SMC2: variants seen among roughly 807,000 people sequenced by gnomAD.
SMC2 encodes the protein structural maintenance of chromosomes 2, also known as structural maintenance of chromosomes protein 2.
A neutral mutation model predicts 142.6 loss-of-function variants in SMC2; 41 were observed. The ratio of observed to expected loss-of-function variants is 0.29; its 90% CI spans 0.22 to 0.37. The LOEUF (loss-of-function observed/expected upper bound fraction) is 0.37. Ranked by LOEUF, SMC2 falls within the 10% of genes least tolerant of loss-of-function variation. SMC2 has a pLI of 1.00. For synonymous variants in SMC2, 463 were observed against 457.5 expected (o/e 1.01, Z -0.15); for missense variants, 1,265 against 1,373.7 (o/e 0.92, Z 1.25).
At chr9:104,119,890 G>A (rs1199446961) in intron 15 of SMC2, 137 bp from the exon 16 acceptor site, 13 of 823,742 alleles carry the variant, frequency 1.6e-5, no homozygotes, top group Non-Finnish European at 2.4e-5. Context: ...GTGATGGAAT[G>A]AATTCCATGG....
intron 24 of SMC2, 46 bp from the exon 25 acceptor site, chr9:104,139,093 G>C (rs1039523788): frequency 1.9e-5 from 26 of 1,342,576 alleles, no homozygotes; most frequent in Non-Finnish European, 2.6e-5. Flanking sequence ...TAAACTTCAA[G>C]TATATCACAA....
intron 20 of SMC2, among the ~76,000 whole-genome samples, chr9:104,128,161 G>T (rs985356882): frequency 6.6e-6 from 1 of 152,082 alleles, no homozygotes; most frequent in African/African-American, 2.4e-5. Flanking sequence ...TAATGTCCAG[G>T]ATATTTTTTT....
At position 104,127,459 on chromosome 9, in the gene SMC2, G is replaced by C; in HGVS notation, c.2769G>C (p.Glu923Asp). The C allele has an allele frequency of 6.2e-7, 1 of 1,609,524 alleles. No individual in the cohort carries two copies. Among genetic ancestry groups the C allele is most frequent in the Non-Finnish European group, 8.5e-7 (1 of 1,177,650 alleles). ...ACAACATCAGCAAACATAAACGGGA[G>C]GCTGAAGATGGTGCTGCAAAGGTAT... ...LDHNISKHKR[E>D]AEDGAAKVSK... The change falls in exon 20 of 25, where the codon GAG (glutamate) becomes GAC (aspartate). Residue 923 changes from glutamate (E) to aspartate (D), a missense_variant. Around this residue, in one of 4 missense-constraint regions of SMC2, gnomAD observed 898 missense variants for 904.2 expected, o/e 0.99. Transcript: ENST00000374793.
intron 21 of SMC2, among the ~76,000 whole-genome samples, chr9:104,131,650 C>CTTTTT (rs34656812): frequency 7.5e-6 from 1 of 132,472 alleles, no homozygotes; most frequent in African/African-American, 2.8e-5. Context: ...ATATGTAACA[C>CTTTTT]TTTTTTTTTT....
chr9:104,121,645 A>C (rs949218876), intron 16 of SMC2, among the ~76,000 whole-genome samples: 4 of 152,186 alleles, frequency 2.6e-5, no homozygotes, highest in African/African-American at 9.7e-5. Context: ...TGAAATGATT[A>C]TTTTTGGGTA....
Position 104,126,790 on chromosome 9 carries a change from A to G in SMC2, c.2595+6A>G. ...CTGAGGTGGCTAAAAATAAGGTAGG[A>G]TTTATTTATCAAATTCGAGAAATTG... is the stretch of plus-strand genomic sequence containing the variant. On this transcript the variant is annotated splice_donor_region_variant and intron_variant, in intron 19 of 24. Coordinates refer to ENST00000374793, the MANE Select transcript of SMC2 (RefSeq NM_006444.3). 6.3e-7 allele frequency: 1 copy of G among 1,582,290 alleles called. No individual in the cohort carries two copies. The highest frequency in any genetic ancestry group is 1.1e-5 in the South Asian group (1 of 87,034).
chr9:104,118,435 T>A, intron 15 of SMC2, 60 bp downstream of exon 15: 1 of 1,421,782 alleles, frequency 7.0e-7, no homozygotes, highest in Non-Finnish European at 9.7e-7. Flanking sequence ...GATGCCTTTT[T>A]TAAGTACATT....
At chr9:104,109,979 T>C (rs1049480623) in intron 9 of SMC2, among the ~76,000 whole-genome samples, 1 of 152,222 alleles carries the variant, frequency 6.6e-6, no homozygotes, top group African/African-American at 2.4e-5. Flanking sequence ...TACTACACTA[T>C]TATAATAATT....
intron 17 of SMC2, 125 bp downstream of exon 17, chr9:104,123,357 A>C: frequency 7.9e-6 from 7 of 888,104 alleles, no homozygotes; most frequent in South Asian, 2.5e-5. Flanking sequence ...GGGAAAATCC[A>C]AGTATGGGAT....
chr9:104,116,666 A>G (rs1357411268), intron 14 of SMC2, among the ~76,000 whole-genome samples: 1 of 152,070 alleles, frequency 6.6e-6, no homozygotes, highest in African/African-American at 2.4e-5. Context: ...GTTTCTTTTT[A>G]TGTCAGGCAT....
chr9:104,116,897 G>GTAA lies in SMC2; in HGVS notation c.1791+581_1791+583dup, dbSNP rs543850286. Reference sequence around the variant, plus strand: ...TACATTTAAAAGTTATTGTAGTTGTGTAATACTGTAAAAACATGAAGTCAG... The same window carrying GTAA: ...TACATTTAAAAGTTATTGTAGTTGTGTAATAATACTGTAAAAACATGAAGTCAG... On this transcript the variant is annotated intron_variant, in intron 14 of 24. Transcript: ENST00000374793. 7.3e-4 allele frequency among the ~76,000 whole-genome samples: 111 copies of GTAA among 152,276 alleles called. 1 individual carries two copies. Among genetic ancestry groups the GTAA allele is most frequent in the African/African-American group, 2.3e-3 (95 of 41,564 alleles).
upstream of SMC2, chr9:104,092,032 TCA>T (rs749808647): frequency 3.9e-5 from 6 of 152,256 alleles, no homozygotes; most frequent in Non-Finnish European, 8.8e-5. Context: ...TTTCTACCCC[TCA>T]CATCTCCAAA....
chr9:104,116,579 A>G (rs1266185391), intron 14 of SMC2, among the ~76,000 whole-genome samples: 2 of 152,142 alleles, frequency 1.3e-5, no homozygotes, highest in African/African-American at 2.4e-5. Context: ...TGATGGTGAA[A>G]ATTACACTCT....
chr9:104,124,898 A>G lies in SMC2; in HGVS notation c.2258-14A>G, dbSNP rs779173210. ...ATTGTTAACTTAGCCACATTTGCTT[A>G]CTTTGTGATGCAGAGGAAAGTGAGG... On this transcript the variant is annotated splice_polypyrimidine_tract_variant and intron_variant, in intron 17 of 24. Coordinates refer to ENST00000374793, the MANE Select transcript of SMC2 (RefSeq NM_006444.3). 8 of 1,568,186 alleles carry G rather than the reference A, an allele frequency of 5.1e-6. No individual in the cohort carries two copies. In the Admixed American group the frequency reaches 8.7e-5, roughly 17 times the overall value.
chr9:104,133,850 A>C (rs1835242215), intron 22 of SMC2, among the ~76,000 whole-genome samples: 1 of 152,140 alleles, frequency 6.6e-6, no homozygotes, highest in Non-Finnish European at 1.5e-5. Context: ...AGAAGGCTTT[A>C]ACAGATCTGG....
chr9:104,092,988 T>G (rs1340023704), upstream of SMC2: 2 of 152,196 alleles, frequency 1.3e-5, no homozygotes, highest in Non-Finnish European at 1.5e-5. Context: ...CTCTCCACCA[T>G]GCGAGGACAG....
chr9:104,102,612 C>G (rs1469807769), intron 9 of SMC2, 39 bp downstream of exon 9: 7 of 1,589,628 alleles, frequency 4.4e-6, no homozygotes, highest in Non-Finnish European at 5.2e-6. Context: ...CACTTGTAGA[C>G]AAGTATATAG....
Position 104,113,381 on chromosome 9 carries a change from G to T in SMC2, c.1320G>T (p.Met440Ile). Residue 440 changes from methionine to isoleucine, a missense_variant, in exon 11 of 25, where the codon ATG becomes ATT. Met to Ile is a conservative substitution (Grantham distance 10). Coordinates refer to ENST00000374793, the MANE Select transcript of SMC2 (RefSeq NM_006444.3). ...ATAAACAAGCTGAAGTTAAGAAGAT[G>T]GATAGTGGCTACAGGAAGGATCAAG... ...LKNKQAEVKK[M>I]DSGYRKDQEA... 4 of 1,611,724 alleles carry T rather than the reference G, an allele frequency of 2.5e-6. No homozygotes were observed. Among genetic ancestry groups the T allele is most frequent in the Non-Finnish European group, 2.5e-6 (3 of 1,178,664 alleles).
chr9:104,100,000 T>C (rs913243833), intron 5 of SMC2, 93 bp from the exon 6 acceptor site: 6 of 746,204 alleles, frequency 8.0e-6, no homozygotes, highest in African/African-American at 5.4e-5. Flanking sequence ...GTAAGATGTT[T>C]AGTGAGGTCA....
Sources: allele counts gnomAD v4.1 joint callset (sites outside exome capture counted in the v4.1 genomes callset), GRCh38; gene constraint gnomAD v4.1.1; regional missense constraint gnomAD v4.1.1; transcripts MANE v1.5; gene names NCBI Gene and HGNC (gene_info 2026-07-23, HGNC 2026-07-21).